The following ANXA4 variants were observed in gnomAD, a reference collection of about 807,000 sequenced individuals.
The protein encoded by ANXA4 is 35-beta calcimedin.
Under a neutral mutation model 49.8 loss-of-function variants are expected in ANXA4, and 39 were observed. The observed-to-expected ratio is 0.78, with a 90% CI of 0.61 to 1.02. The LOEUF (loss-of-function observed/expected upper bound fraction) is 1.02, where lower values mean the gene tolerates loss of function less well. Ranked by LOEUF, ANXA4 falls within the 50% of genes least tolerant of loss-of-function variation. ANXA4 has a pLI of 0.00. For missense variants in ANXA4, 360 were observed against 410.1 expected (o/e 0.88, Z 1.05); for synonymous variants, 134 against 152.5 (o/e 0.88, Z 0.89).
chr2:69,817,712 C>T (rs972197900), intron 9 of ANXA4: 4 of 152,084 alleles, frequency 2.6e-5, no homozygotes, highest in South Asian at 2.1e-4. Context: ...TTCTGAAGTT[C>T]GTTTTCTATT....
intron 12 of ANXA4, among the ~76,000 whole-genome samples, chr2:69,822,619 G>A (rs1028619894): frequency 1.3e-5 from 2 of 152,110 alleles, no homozygotes; most frequent in African/African-American, 2.4e-5. Context: ...TTTTTGATAC[G>A]TGAATGAACC....
chr2:69,779,210 G>A (rs1289825879), intron 1 of ANXA4, among the ~76,000 whole-genome samples: 2 of 148,914 alleles, frequency 1.3e-5, no homozygotes, highest in Non-Finnish European at 3.0e-5. Flanking sequence ...ATTGTGGAAA[G>A]AGCTTGAAAA....
rs772425427 is a variant in ANXA4, at chr2:69,818,713, T to A, written c.724+19T>A. On this transcript the variant is annotated intron_variant, in intron 10 of 12. Transcript: ENST00000394295. ...GCTATAGGTAAGCTGGTAGGGGGAGTAGAGAAACAAATGTTTATAGATTTT... is the reference window on the plus strand; with the variant it reads ...GCTATAGGTAAGCTGGTAGGGGGAGAAGAGAAACAAATGTTTATAGATTTT... The A allele has an allele frequency of 6.7e-7, 1 of 1,493,570 alleles. No homozygotes were observed. Among genetic ancestry groups the A allele is most frequent in the African/African-American group, 1.4e-5 (1 of 71,620 alleles). The allele number at this position is 1,493,570 out of a possible 1,614,324, so 92.5% of individuals were successfully genotyped here.
chr2:69,703,738 A>C (rs921596332), intron 2 of ANXA4, among the ~76,000 whole-genome samples: 9 of 152,114 alleles, frequency 5.9e-5, no homozygotes, highest in African/African-American at 1.4e-4. Context: ...CTAAATTCTC[A>C]TTTTAGTTTA....
chr2:69,656,432 T>G (rs1289623684), intron 2 of ANXA4, among the ~76,000 whole-genome samples: 2 of 144,062 alleles, frequency 1.4e-5, no homozygotes, highest in South Asian at 4.2e-4. Flanking sequence ...TGTGTGTGTA[T>G]ATATATATAT....
At position 69,806,318 on chromosome 2, in the gene ANXA4, C is replaced by T. The variant is rs991245983; in HGVS notation, c.193-67C>T. 4.2e-6 allele frequency: 5 copies of T among 1,182,360 alleles called. No individual in the cohort carries two copies. The African/African-American group carries it at 6.0e-5, about 14-fold the overall frequency. The allele number at this position is 1,182,360 out of a possible 1,614,324, so 73.2% of individuals were successfully genotyped here. A position where few individuals can be genotyped will look rare whatever the true frequency, so the allele number is the denominator to read the frequency against. ...TTGGAGACCCCAGACATCCCTGGACCACACCTGGAGAGTAGCTGGTCTAAT... is the reference window on the plus strand; with the variant it reads ...TTGGAGACCCCAGACATCCCTGGACTACACCTGGAGAGTAGCTGGTCTAAT... On this transcript the variant is annotated intron_variant, in intron 4 of 12. Coordinates refer to ENST00000394295, the MANE Select transcript of ANXA4 (RefSeq NM_001153.5).
chr2:69,686,790 C>T (rs1677803107), intron 2 of ANXA4, among the ~76,000 whole-genome samples: 4 of 152,218 alleles, frequency 2.6e-5, no homozygotes, highest in African/African-American at 4.8e-5. Context: ...CATTTTACAA[C>T]TAGCTCAGAA....
chr2:69,807,734 G>A (rs1250911813), intron 5 of ANXA4, among the ~76,000 whole-genome samples, 172 bp from the exon 6 acceptor site: 4 of 152,110 alleles, frequency 2.6e-5, no homozygotes, highest in Admixed American at 1.3e-4. Context: ...TAATTGTTAC[G>A]GCAAACACTT....
chr2:69,649,962 G>C (rs1020352137), intron 1 of ANXA4, among the ~76,000 whole-genome samples: 7 of 113,968 alleles, frequency 6.1e-5, no homozygotes, highest in Admixed American at 2.4e-4. Flanking sequence ...TTGAGACGGA[G>C]TCTCACTCTG....
chr2:69,821,402 C>T (rs3816491), intron 12 of ANXA4, among the ~76,000 whole-genome samples: 34,873 of 151,960 alleles, frequency 0.23, 4,330 homozygotes, highest in East Asian at 0.4. Flanking sequence ...AATCAGCGTT[C>T]GATCTGTGAA....
At chr2:69,687,565 G>A (rs1188229714) in intron 2 of ANXA4, among the ~76,000 whole-genome samples, 1 of 152,066 alleles carries the variant, frequency 6.6e-6, no homozygotes, top group Non-Finnish European at 1.5e-5. Context: ...TTTCTTACAG[G>A]CAAAGCTATC....
chr2:69,672,922 T>C (rs1489301017), intron 2 of ANXA4, among the ~76,000 whole-genome samples: 1 of 151,994 alleles, frequency 6.6e-6, no homozygotes, highest in East Asian at 1.9e-4. Flanking sequence ...AAAAAGCTCA[T>C]CGTCACTGGT....
At chr2:69,702,071 G>A (rs1401530800) in intron 2 of ANXA4, among the ~76,000 whole-genome samples, 4 of 151,972 alleles carry the variant, frequency 2.6e-5, no homozygotes, top group Admixed American at 2.0e-4. Flanking sequence ...GAATGCAGTG[G>A]CGCGATCTCA....
intron 3 of ANXA4, among the ~76,000 whole-genome samples, chr2:69,732,766 GAAA>G (rs1039639757): frequency 6.8e-6 from 1 of 147,362 alleles, no homozygotes; most frequent in Non-Finnish European, 1.5e-5. Context: ...CTCAAAAAAA[GAAA>G]AAAAAAAGAT....
At position 69,686,334 on chromosome 2, in the gene ANXA4, G is replaced by A. The variant is rs921098172; in HGVS notation, n.766+33052G>A. Reference sequence around the variant, plus strand: ...CAAGTAGCTGGGACTACAGGCACGTGCCACCACACCCAGCTAATTTTTGTA... The same window carrying A: ...CAAGTAGCTGGGACTACAGGCACGTACCACCACACCCAGCTAATTTTTGTA... On this transcript the variant is annotated intron_variant and non_coding_transcript_variant, in intron 2 of 3. Coordinates refer to the ANXA4 transcript ENST00000418066. Among the ~76,000 whole-genome samples, 384 of 151,946 alleles carry A rather than the reference G, an allele frequency of 2.5e-3. 8 individuals carry two copies. The highest frequency in any genetic ancestry group is 6.2e-4 in the Non-Finnish European group (42 of 67,954).
intron 6 of ANXA4, chr2:69,808,323 T>G: frequency 3.5e-6 from 1 of 285,148 alleles, no homozygotes; most frequent in Non-Finnish European, 6.9e-6. Context: ...GATCTTAGCA[T>G]TCCAAGGAAT....
chr2:69,656,406 T>C (rs1676492916), intron 2 of ANXA4, among the ~76,000 whole-genome samples: 2 of 139,428 alleles, frequency 1.4e-5, no homozygotes, highest in Admixed American at 8.1e-5. Context: ...TATATGTATA[T>C]ATATGTATAT....
At chr2:69,703,366 T>C (rs924978708) in intron 2 of ANXA4, among the ~76,000 whole-genome samples, 2 of 152,148 alleles carry the variant, frequency 1.3e-5, no homozygotes, top group Non-Finnish European at 2.9e-5. Flanking sequence ...TAATTTTACA[T>C]TTTTTTCATC....
chr2:69,777,111 G>A (rs1671987296), intron 1 of ANXA4, among the ~76,000 whole-genome samples: 1 of 152,154 alleles, frequency 6.6e-6, no homozygotes, highest in African/African-American at 2.4e-5. Context: ...GGGGCACGTG[G>A]GGAGGGGCTC....
Sources: gnomAD v4.1 joint callset for allele counts (sites outside exome capture counted in the v4.1 genomes callset) on GRCh38, gnomAD v4.1.1 for gene constraint, MANE v1.5 for transcripts, NCBI Gene and HGNC (gene_info 2026-07-23, HGNC 2026-07-21) for gene names.